The following MCTP2 variants were observed in gnomAD, a reference collection of about 807,000 sequenced individuals.
MCTP2 encodes multiple C2 and transmembrane domain-containing protein 2.
In MCTP2, 132 loss-of-function variants were observed where a neutral mutation model predicts 111.6. The ratio of observed to expected loss-of-function variants is 1.18; its 90% CI spans 1.03 to 1.37. The LOEUF is 1.37. MCTP2 is among the 40% of genes most tolerant of loss of function. MCTP2 has a pLI of 0.00. For synonymous variants in MCTP2, 395 were observed against 387.7 expected (o/e 1.02, Z -0.22); for missense variants, 1,183 against 1,067.9 (o/e 1.11, Z -1.50).
chr15:94,433,302 A>C (rs1459181339), intron 17 of MCTP2, among the ~76,000 whole-genome samples: 2 of 152,204 alleles, frequency 1.3e-5, no homozygotes, highest in Non-Finnish European at 2.9e-5. Context: ...AAAGTGAAGA[A>C]ATATTTGCAG....
rs1567602401 is a variant in MCTP2 at position 94,390,076 on chromosome 15, A to ATATATATATGTG, written c.1788+4560_1788+4561insGTGTATATATAT. 1.3e-3 allele frequency among the ~76,000 whole-genome samples: 17 copies of ATATATATATGTG among 12,652 alleles called. No homozygotes were observed. The East Asian group carries it at 0.015, about 11-fold the overall frequency. The allele number at this position is 12,652 out of a possible 152,430, so 8.3% of individuals were successfully genotyped here. A position where few individuals can be genotyped will look rare whatever the true frequency, so the allele number is the denominator to read the frequency against. On this transcript the variant is annotated intron_variant, in intron 14 of 22. Transcript: ENST00000357742. ...TATATATATATATATATATATATAT[A>ATATATATATGTG]TATATATATATATGTATATATATAT...
chr15:94,390,469 T>C (rs1219005466), intron 14 of MCTP2, among the ~76,000 whole-genome samples: 1 of 152,078 alleles, frequency 6.6e-6, no homozygotes, highest in African/African-American at 2.4e-5. Flanking sequence ...AATAGACTTA[T>C]TTAATATTTT....
chr15:94,345,754 A>T (rs543914125), intron 8 of MCTP2, among the ~76,000 whole-genome samples: 4 of 152,382 alleles, frequency 2.6e-5, no homozygotes, highest in African/African-American at 9.6e-5. Flanking sequence ...CAGTTGTAAC[A>T]TAAATGACTA....
intron 1 of MCTP2, among the ~76,000 whole-genome samples, chr15:94,256,916 C>A (rs2072808345): frequency 6.6e-6 from 1 of 152,176 alleles, no homozygotes; most frequent in South Asian, 2.1e-4. Flanking sequence ...ACACTATGAT[C>A]CTTTGAAAAT....
rs1298888966 is a variant in MCTP2, at chr15:94,298,657, G to A, written c.392G>A (p.Arg131Lys). Residue 131 changes from arginine to lysine, a missense_variant, in exon 2 of 23, where the codon AGA (arginine) becomes AAA (lysine). Arg to Lys is a conservative substitution (Grantham distance 26, BLOSUM62 2). Transcript: ENST00000357742. Reference protein sequence around the residue: ...EEAYASPAERRRVSSNGIFDL... With the variant: ...EEAYASPAERKRVSSNGIFDL... ...GCCTATGCCTCTCCTGCTGAGCGGAGACGGGTGTCCAGCAACGGCATCTTT... is the reference window on the plus strand; with the variant it reads ...GCCTATGCCTCTCCTGCTGAGCGGAAACGGGTGTCCAGCAACGGCATCTTT... The A allele has an allele frequency of 1.9e-6, 3 of 1,613,928 alleles. No individual in the cohort carries two copies. Among genetic ancestry groups the A allele is most frequent in the Admixed American group, 3.3e-5 (2 of 60,008 alleles).
At chr15:94,435,205 T>A (rs1263168949) in intron 17 of MCTP2, among the ~76,000 whole-genome samples, 2 of 152,184 alleles carry the variant, frequency 1.3e-5, no homozygotes, top group Admixed American at 1.3e-4. Flanking sequence ...TACCCATTTC[T>A]ATAAAATAAA....
intron 2 of MCTP2, among the ~76,000 whole-genome samples, chr15:94,309,017 A>T (rs2076011906): frequency 6.6e-6 from 1 of 152,222 alleles, no homozygotes; most frequent in African/African-American, 2.4e-5. Context: ...AGTCTTGGAG[A>T]TGAGAGAGAA....
At chr15:94,285,521 T>TG (rs1555445907) in intron 1 of MCTP2, among the ~76,000 whole-genome samples, 5 of 152,124 alleles carry the variant, frequency 3.3e-5, no homozygotes, top group Non-Finnish European at 2.9e-5. Flanking sequence ...TTTATTTTTT[T>TG]TTGTTGAATG....
intron 17 of MCTP2, among the ~76,000 whole-genome samples, chr15:94,425,554 T>TA (rs771436780): frequency 1.3e-3 from 197 of 148,744 alleles, no homozygotes; most frequent in Admixed American, 3.2e-3. Context: ...TTAGCAGGAG[T>TA]AAAAAAAAAG....
intron 1 of MCTP2, among the ~76,000 whole-genome samples, chr15:94,276,947 C>CAA (rs71132999): frequency 0.46 from 54,840 of 118,202 alleles, 11,527 homozygotes; most frequent in East Asian, 0.62. Context: ...GTTGGAAGCC[C>CAA]AAAAAAAAAA....
rs199933047 is a variant in MCTP2, at chr15:94,340,865, A to C, written c.910A>C (p.Met304Leu). Residue 304 changes from methionine (M) to leucine (L), a missense_variant, in exon 7 of 23, where the codon ATG (methionine) becomes CTG (leucine). Met to Leu is a conservative substitution (Grantham distance 15). Transcript: ENST00000357742. ...LEDPNSLEDD[M>L]GVIVLNLNLV... ...AGATCCAAACAGTTTAGAAGATGAC[A>C]TGGGAGTGATCGTGTTAAATTTGAA... 1.8e-4 allele frequency: 288 copies of C among 1,613,336 alleles called. 1 individual carries two copies. The Admixed American group carries it at 4.6e-3, about 26-fold the overall frequency.
intron 20 of MCTP2, among the ~76,000 whole-genome samples, chr15:94,469,665 C>T (rs765664587): frequency 3.9e-5 from 6 of 152,012 alleles, no homozygotes; most frequent in South Asian, 2.1e-4. Context: ...CCCAGGAGTT[C>T]GAGACTAGCC....
intron 1 of MCTP2, among the ~76,000 whole-genome samples, chr15:94,267,931 T>A (rs1227602269): frequency 7.6e-6 from 1 of 131,942 alleles, no homozygotes; most frequent in Non-Finnish European, 1.5e-5. Flanking sequence ...AGAGGCGTGA[T>A]CTTGGCTCAC....
Position 94,448,691 on chromosome 15 carries a change from T to C in MCTP2, c.2250+5731T>C, listed in dbSNP as rs1004387082. On this transcript the variant is annotated intron_variant, in intron 19 of 22. Transcript: ENST00000357742. Reference sequence around the variant, plus strand: ...TGGATAAAGGATACTCAACCTGTATTGCATCTAGATATTTCATTTCCCATT... The same window carrying C: ...TGGATAAAGGATACTCAACCTGTATCGCATCTAGATATTTCATTTCCCATT... 2.6e-5 allele frequency among the ~76,000 whole-genome samples: 4 copies of C among 152,230 alleles called. No homozygotes were observed. The East Asian group carries it at 7.7e-4, about 29-fold the overall frequency.
At chr15:94,386,352 C>G (rs2080472914) in intron 14 of MCTP2, among the ~76,000 whole-genome samples, 1 of 152,130 alleles carries the variant, frequency 6.6e-6, no homozygotes, top group Non-Finnish European at 1.5e-5. Context: ...TTATTTTTTC[C>G]AAGCTATCTG....
At chr15:94,401,717 C>G (rs977249311) in intron 16 of MCTP2, among the ~76,000 whole-genome samples, 183 bp from the exon 17 acceptor site, 1 of 152,206 alleles carries the variant, frequency 6.6e-6, no homozygotes, top group Non-Finnish European at 1.5e-5. Flanking sequence ...TTCTCATTTC[C>G]TCTATGGATG....
intron 2 of MCTP2, among the ~76,000 whole-genome samples, chr15:94,302,458 GA>G (rs925373350): frequency 6.6e-6 from 1 of 152,190 alleles, no homozygotes; most frequent in Admixed American, 6.5e-5. Context: ...GAAGGAATGT[GA>G]AAAACAGGAC....
chr15:94,345,877 C>G (rs971944662), intron 8 of MCTP2, among the ~76,000 whole-genome samples: 1 of 151,724 alleles, frequency 6.6e-6, no homozygotes, highest in East Asian at 1.9e-4. Flanking sequence ...ATAATTCCTA[C>G]GAAATGATGC....
chr15:94,278,925 C>T (rs147723534), intron 1 of MCTP2, among the ~76,000 whole-genome samples: 5 of 152,124 alleles, frequency 3.3e-5, no homozygotes, highest in Admixed American at 2.0e-4. Flanking sequence ...TTGTTATTGT[C>T]GAAGTTTGTT....
Sources: allele counts gnomAD v4.1 joint callset (sites outside exome capture counted in the v4.1 genomes callset), GRCh38; gene constraint gnomAD v4.1.1; transcripts MANE v1.5; gene names NCBI Gene and HGNC (gene_info 2026-07-23, HGNC 2026-07-21).